The following RNF14 variants were observed in gnomAD, a reference collection of about 807,000 sequenced individuals.
RNF14 encodes the protein E3 ubiquitin-protein ligase RNF14.
RNF14 carries 26 observed loss-of-function variants against 52.6 expected under a neutral mutation model. The observed-to-expected ratio is 0.49, with a 90% confidence interval of 0.36 to 0.69. RNF14 has a LOEUF of 0.69. Among genes scored for constraint, RNF14 ranks in the 30% least tolerant of loss-of-function variants. The probability of loss-of-function intolerance (pLI) is 0.00; values close to 1 mark genes in which losing one functional copy is unlikely to be tolerated. For missense variants in RNF14, 404 were observed against 560.4 expected (o/e 0.72, Z 2.82); for synonymous variants, 194 against 202.0 (o/e 0.96, Z 0.34).
chr5:141,980,389 T>G (rs1754663583), intron 6 of RNF14, 38 bp downstream of exon 6: 1 of 1,474,194 alleles, frequency 6.8e-7, no homozygotes, highest in Non-Finnish European at 9.4e-7. Context: ...CCATCCCCAG[T>G]CTCTCCCTCA....
At chr5:141,975,127 T>G (rs930374484) in intron 4 of RNF14, among the ~76,000 whole-genome samples, 172 bp downstream of exon 4, 4 of 152,344 alleles carry the variant, frequency 2.6e-5, no homozygotes, top group African/African-American at 9.6e-5. Flanking sequence ...TTGAAAATGT[T>G]TGGTGTTTTA....
At chr5:141,974,735 G>A (rs41290613) in intron 3 of RNF14, 69 bp from the exon 4 acceptor site, 24,502 of 1,422,114 alleles carry the variant, frequency 0.017, 274 homozygotes, top group Non-Finnish European at 0.018. Context: ...TTTCTTGAGC[G>A]CTGCTCAACA....
At chr5:141,980,450 T>C in intron 6 of RNF14, 99 bp downstream of exon 6, 1 of 879,082 alleles carries the variant, frequency 1.1e-6, no homozygotes, top group Non-Finnish European at 1.8e-6. Flanking sequence ...AATTTGGAAG[T>C]ATTCATTTAG....
chr5:141,955,850 C>T, upstream of RNF14: 2 of 1,614,160 alleles, frequency 1.2e-6, no homozygotes, highest in Non-Finnish European at 1.7e-6. This position sits in a 1 kb window ranked among gnomAD's most constrained non-coding sequence, Gnocchi z 5.5. Context: ...CACTCACTCC[C>T]AATGAGGCTG....
rs1046826243 is a variant in RNF14, at chr5:141,988,063, G to C, written c.*273G>C. The C allele has an allele frequency of 5.6e-6, 2 of 358,690 alleles. No homozygotes were observed. Among genetic ancestry groups the C allele is most frequent in the East Asian group, 4.8e-5 (1 of 20,802 alleles). 22.2% of individuals were successfully genotyped at this position (358,690 alleles called of 1,614,324 possible). A position where few individuals can be genotyped will look rare whatever the true frequency, so the allele number is the denominator to read the frequency against. ...TATAATGTGCCCAAAGCTCTGAATAGTTAAAAATTAAATATTTATTTTCTT... is the reference window on the plus strand; with the variant it reads ...TATAATGTGCCCAAAGCTCTGAATACTTAAAAATTAAATATTTATTTTCTT... On this transcript the variant is annotated 3_prime_UTR_variant, in exon 9 of 9. Transcript: ENST00000394520.
intron 8 of RNF14, 89 bp from the exon 9 acceptor site, chr5:141,987,644 T>C (rs1268765503): frequency 4.2e-5 from 53 of 1,258,458 alleles, no homozygotes; most frequent in Non-Finnish European, 6.2e-5. Context: ...AAAGATGTTA[T>C]AAGAGTACAA....
At chr5:141,970,040 C>A (rs1023974455) in intron 1 of RNF14, among the ~76,000 whole-genome samples, 1 of 152,138 alleles carries the variant, frequency 6.6e-6, no homozygotes, top group African/African-American at 2.4e-5. Context: ...GAATCTCATT[C>A]TTATCTCATT....
At chr5:141,972,058 T>C (rs1003562574) in intron 2 of RNF14, among the ~76,000 whole-genome samples, 4 of 152,188 alleles carry the variant, frequency 2.6e-5, no homozygotes, top group Non-Finnish European at 4.4e-5. Flanking sequence ...TGGTGACTGC[T>C]TGGATTTGAC....
rs1042947953 is a variant in RNF14 at position 141,988,854 on chromosome 5, C to G, written c.*1064C>G. 5 of 152,314 alleles carry G rather than the reference C, an allele frequency of 3.3e-5. No individual in the cohort carries two copies. The highest frequency in any genetic ancestry group is 9.7e-5 in the African/African-American group (4 of 41,444). 9.4% of individuals were successfully genotyped at this position (152,314 alleles called of 1,614,324 possible). A position where few individuals can be genotyped will look rare whatever the true frequency, so the allele number is the denominator to read the frequency against. ...AGCTATGGGAATTTGGCTTCATACTCTTTCTTTGCAACAGCAGTGTTCTGG... is the reference window on the plus strand; with the variant it reads ...AGCTATGGGAATTTGGCTTCATACTGTTTCTTTGCAACAGCAGTGTTCTGG... On this transcript the variant is annotated 3_prime_UTR_variant, in exon 9 of 9. Transcript: ENST00000394520.
intron 7 of RNF14, among the ~76,000 whole-genome samples, 198 bp downstream of exon 7, chr5:141,983,750 AT>A (rs1754989680): frequency 6.6e-6 from 1 of 152,156 alleles, no homozygotes; most frequent in Admixed American, 6.5e-5. Context: ...TTTTCAAAGT[AT>A]TTGCTTACAG....
chr5:141,956,356 A>G, upstream of RNF14: 1 of 1,614,216 alleles, frequency 6.2e-7, no homozygotes. Flanking sequence ...GGAGTCCTGG[A>G]TGCGGTATGA....
chr5:141,964,636 C>G (rs1328619354), upstream of RNF14, among the ~76,000 whole-genome samples: 1 of 152,054 alleles, frequency 6.6e-6, no homozygotes, highest in Non-Finnish European at 1.5e-5. Flanking sequence ...TTTTTTGAGA[C>G]AGAGTCTCAT....
At chr5:141,963,473 T>C (rs1350076710), upstream of RNF14, among the ~76,000 whole-genome samples, 1 of 151,830 alleles carries the variant, frequency 6.6e-6, no homozygotes, top group Non-Finnish European at 1.5e-5. Context: ...ACTGGGAGCA[T>C]CATCTGTGCA....
chr5:141,971,008 A>G (rs1402729182), intron 2 of RNF14, 131 bp downstream of exon 2: 2 of 152,276 alleles, frequency 1.3e-5, no homozygotes, highest in Non-Finnish European at 2.9e-5. Context: ...ATTTCATAGT[A>G]TGACCTTTTA....
chr5:141,984,989 A>T, intron 8 of RNF14, 56 bp downstream of exon 8: 2 of 1,477,354 alleles, frequency 1.4e-6, no homozygotes, highest in Non-Finnish European at 1.9e-6. Flanking sequence ...CTTGATTTGC[A>T]GACCACAAAT....
At chr5:141,957,656 A>T (rs141631309), upstream of RNF14, 2 of 1,614,056 alleles carry the variant, frequency 1.2e-6, no homozygotes, top group Non-Finnish European at 8.5e-7. The surrounding 1 kb of genome is among the most constrained non-coding windows in gnomAD (Gnocchi z 4.3). Context: ...AACACCTGGA[A>T]GGCAGCCCCA....
At chr5:141,965,746 G>A (rs1753331734), upstream of RNF14, among the ~76,000 whole-genome samples, 1 of 152,050 alleles carries the variant, frequency 6.6e-6, no homozygotes, top group African/African-American at 2.4e-5. Context: ...CTTGTAAGTG[G>A]AAGCTAAATG....
At chr5:141,978,172 A>T (rs940697491) in intron 4 of RNF14, 131 bp from the exon 5 acceptor site, 1 of 727,104 alleles carries the variant, frequency 1.4e-6, no homozygotes, top group African/African-American at 1.8e-5. Flanking sequence ...AGCACAGTGT[A>T]TCACAGCAGT....
chr5:141,985,044 T>C, intron 8 of RNF14, 111 bp downstream of exon 8: 1 of 1,000,590 alleles, frequency 1.0e-6, no homozygotes, highest in Non-Finnish European at 1.5e-6. Flanking sequence ...AGAATTCTCT[T>C]ACATGTTTTC....
Sources: allele counts gnomAD v4.1 joint callset (sites outside exome capture counted in the v4.1 genomes callset), GRCh38; gene constraint gnomAD v4.1.1; non-coding constraint Gnocchi (gnomAD v3.1); transcripts MANE v1.5; gene names NCBI Gene and HGNC (gene_info 2026-07-23, HGNC 2026-07-21).